CACNA1B: variants seen among roughly 807,000 people sequenced by gnomAD.
The protein encoded by CACNA1B is calcium voltage-gated channel subunit alpha1 B.
In CACNA1B, 70 loss-of-function variants were observed where a neutral mutation model predicts 247.2. That is an observed-to-expected ratio of 0.28 (90% CI 0.23 to 0.35). The LOEUF is 0.35. Among genes scored for constraint, CACNA1B ranks in the 10% least tolerant of loss-of-function variants. The probability of loss-of-function intolerance (pLI) is 1.00; values close to 1 mark genes in which losing one functional copy is unlikely to be tolerated. For missense variants in CACNA1B, 2,367 were observed against 3,197.4 expected (o/e 0.74, Z 6.26); for synonymous variants, 1,231 against 1,294.4 (o/e 0.95, Z 1.05).
chr9:138,039,212 A>T lies in CACNA1B; in HGVS notation c.3287-4562A>T, dbSNP rs536767767. On this transcript the variant is annotated intron_variant, in intron 20 of 46. Transcript: ENST00000371372. ...CTCCGTCTCAAAAAAAATAAAAAAT[A>T]AAAAAAAAAAGAGAAAAATATGTCA... Among the ~76,000 whole-genome samples, 369 of 141,534 alleles carry T rather than the reference A, an allele frequency of 2.6e-3. 1 individual carries two copies. The highest frequency in any genetic ancestry group is 9.1e-3 in the African/African-American group (354 of 39,038). 92.9% of individuals were successfully genotyped at this position (141,534 alleles called of 152,430 possible).
chr9:137,960,172 C>T (rs545021927), intron 10 of CACNA1B, among the ~76,000 whole-genome samples: 12 of 9,756 alleles, frequency 1.2e-3, no homozygotes, highest in South Asian at 8.3e-3. Context: ...ACGTGTGTGG[C>T]GGGGAGGGAA....
In CACNA1B at chr9:138,054,327, G is replaced by A. The variant is rs140951736; in HGVS notation, c.3968+321G>A. ...GCCCACTGGGCAAGGCTTTCTCTAA[G>A]CCCTAGAGATCTTGGCTGGGCTGTA... On this transcript the variant is annotated intron_variant, in intron 26 of 46. Coordinates refer to ENST00000371372, the MANE Select transcript of CACNA1B (RefSeq NM_000718.4). This position sits in a 1 kb window ranked among gnomAD's most constrained non-coding sequence, Gnocchi z 4.6. Among the ~76,000 whole-genome samples, 636 of 152,374 alleles carry A rather than the reference G, an allele frequency of 4.2e-3. 3 individuals carry two copies. The highest frequency in any genetic ancestry group is 0.013 in the African/African-American group (560 of 41,594).
rs1190673492 is a variant in CACNA1B at position 138,073,362 on chromosome 9, AT to A, written c.4675-122del. On this transcript the variant is annotated intron_variant, in intron 32 of 46. Transcript: ENST00000371372. The surrounding 1 kb of genome is among the most constrained non-coding windows in gnomAD (Gnocchi z 6.4). The stretch of plus-strand genomic sequence containing the variant: ...TTAGACTGTGAAGCAGAGACCTTTG[AT>A]TTTAATCTTTTTAACCACTTTTCTT... The A allele has an allele frequency of 4.7e-6, 3 of 640,388 alleles. No homozygotes were observed. Among genetic ancestry groups the A allele is most frequent in the African/African-American group, 1.8e-5 (1 of 54,854 alleles). 39.7% of individuals were successfully genotyped at this position (640,388 alleles called of 1,614,324 possible).
intron 6 of CACNA1B, among the ~76,000 whole-genome samples, chr9:137,933,679 A>G (rs1172939589): frequency 6.6e-6 from 1 of 152,214 alleles, no homozygotes; most frequent in Non-Finnish European, 1.5e-5. Flanking sequence ...ATGGCAGTAT[A>G]TTTAGATGAT....
rs1377267639 is a variant in CACNA1B, at chr9:138,072,928, C to T, written c.4675-560C>T. 2.6e-5 allele frequency among the ~76,000 whole-genome samples: 4 copies of T among 152,252 alleles called. No homozygotes were observed. The highest frequency in any genetic ancestry group is 9.6e-5 in the African/African-American group (4 of 41,470). On this transcript the variant is annotated intron_variant, in intron 32 of 46. Transcript: ENST00000371372. The surrounding 1 kb of genome is among the most constrained non-coding windows in gnomAD (Gnocchi z 4.5). ...CTGTACCTTCCATAACTTGTCTGCA[C>T]ACGCCTGGAGCAGCCTCAGAGGAAG...
rs187880167 is a variant in CACNA1B, at chr9:138,040,018, C to G, written c.3287-3756C>G. Among the ~76,000 whole-genome samples, 238 of 152,248 alleles carry G rather than the reference C, an allele frequency of 1.6e-3. 1 individual carries two copies. Among genetic ancestry groups the G allele is most frequent in the African/African-American group, 5.0e-3 (207 of 41,558 alleles). On this transcript the variant is annotated intron_variant, in intron 20 of 46. Transcript: ENST00000371372. Reference sequence around the variant, plus strand: ...GTAGTGGTGACATCTGGGCTTTTCACGTAGCCATCACCTGGGCTCAGGCCA... The same window carrying G: ...GTAGTGGTGACATCTGGGCTTTTCAGGTAGCCATCACCTGGGCTCAGGCCA...
intron 6 of CACNA1B, among the ~76,000 whole-genome samples, chr9:137,929,443 T>A (rs1298054639): frequency 1.3e-5 from 2 of 151,368 alleles, no homozygotes; most frequent in African/African-American, 4.9e-5. Context: ...TAGTTCCAGC[T>A]ACTCGGGAGA....
intron 15 of CACNA1B, among the ~76,000 whole-genome samples, chr9:137,987,487 C>T (rs561172832): frequency 9.2e-5 from 14 of 152,334 alleles, no homozygotes; most frequent in African/African-American, 3.1e-4. Context: ...GCATTCCTGT[C>T]CCATGAAACA....
intron 34 of CACNA1B, among the ~76,000 whole-genome samples, chr9:138,075,485 C>T (rs990039679): frequency 2.0e-5 from 3 of 152,250 alleles, no homozygotes; most frequent in Non-Finnish European, 4.4e-5. Context: ...ATAATGCCTG[C>T]TTTGGAGTCG....
In CACNA1B at chr9:138,124,361, A is replaced by G. The variant is rs1378544112; in HGVS notation, c.*2362A>G. The G allele has an allele frequency of 1.3e-5, 2 of 152,156 alleles. No individual in the cohort carries two copies. The highest frequency in any genetic ancestry group is 2.4e-5 in the African/African-American group (1 of 41,516). The allele number at this position is 152,156 out of a possible 1,614,324, so 9.4% of individuals were successfully genotyped here. A position where few individuals can be genotyped will look rare whatever the true frequency, so the allele number is the denominator to read the frequency against. On this transcript the variant is annotated 3_prime_UTR_variant, in exon 47 of 47. Transcript: ENST00000371372. ...TTTGATACAATGTATTCATTTGTTA[A>G]TTTTTAATTATATTTGATATAAATC...
intron 10 of CACNA1B, among the ~76,000 whole-genome samples, chr9:137,960,553 G>A (rs1321234169): frequency 6.7e-6 from 1 of 149,904 alleles, no homozygotes; most frequent in Non-Finnish European, 1.5e-5. Context: ...GAGGTCAGGG[G>A]AGAGGTGAGG....
At position 137,959,638 on chromosome 9, in the gene CACNA1B, G is replaced by A. The variant is rs77434614; in HGVS notation, c.1333+1951G>A. ...GTGACTTAGGCTTTGTTAGGAAATC[G>A]CCCCGTTCTCAGGGTGTTGGGATCC... On this transcript the variant is annotated intron_variant, in intron 10 of 46. Transcript: ENST00000371372. Among the ~76,000 whole-genome samples the A allele has an allele frequency of 9.1e-3, 1,377 of 151,830 alleles. 22 individuals carry two copies. The highest frequency in any genetic ancestry group is 0.031 in the African/African-American group (1,293 of 41,388).
chr9:138,017,496 T>C (rs1269107844), intron 18 of CACNA1B, among the ~76,000 whole-genome samples: 8 of 152,244 alleles, frequency 5.3e-5, no homozygotes, highest in African/African-American at 1.9e-4. Flanking sequence ...GTGTGTCTGC[T>C]TCTCCTGAGT....
intron 20 of CACNA1B, among the ~76,000 whole-genome samples, chr9:138,040,838 T>C (rs1319369665): frequency 6.6e-6 from 1 of 152,168 alleles, no homozygotes; most frequent in African/African-American, 2.4e-5. Flanking sequence ...ATCAATACTT[T>C]GTATCCTTCA....
At chr9:138,115,460 C>T in intron 41 of CACNA1B, 92 bp from the exon 42 acceptor site, 2 of 1,383,384 alleles carry the variant, frequency 1.4e-6, no homozygotes, top group Non-Finnish European at 2.0e-6. Flanking sequence ...CATGACCTGG[C>T]TTTTGCCCCA....
intron 3 of CACNA1B, among the ~76,000 whole-genome samples, chr9:137,900,401 T>C (rs1454381446): frequency 6.6e-6 from 1 of 152,100 alleles, no homozygotes; most frequent in Non-Finnish European, 1.5e-5. Context: ...TCTTTACATG[T>C]GTGACTGCTG....
chr9:138,049,007 C>T (rs1332224891), intron 23 of CACNA1B, among the ~76,000 whole-genome samples: 1 of 152,166 alleles, frequency 6.6e-6, no homozygotes, highest in African/African-American at 2.4e-5. Flanking sequence ...CATAAGCCAC[C>T]ATGTCTGGCC....
chr9:138,046,823 G>A (rs1275201096), intron 21 of CACNA1B, 81 bp from the exon 22 acceptor site: 12 of 1,393,432 alleles, frequency 8.6e-6, no homozygotes, highest in Non-Finnish European at 1.2e-5. Flanking sequence ...CCTTTCTGCG[G>A]GACGGGCTGA....
rs1314969737 is a variant in CACNA1B, at chr9:138,053,978, G to C, written c.3940G>C (p.Glu1314Gln). 1.2e-6 allele frequency: 2 copies of C among 1,614,018 alleles called. No individual in the cohort carries two copies. Among genetic ancestry groups the C allele is most frequent in the East Asian group, 2.2e-5 (1 of 44,886 alleles). Residue 1314 changes from glutamate to glutamine, a missense_variant, in exon 26 of 47, where the codon GAA becomes CAA. Coordinates refer to ENST00000371372, the MANE Select transcript of CACNA1B (RefSeq NM_000718.4). Reference sequence around the variant, plus strand: ...AGGGAAGTTTTTCTACTGCACAGATGAATCCAAGGAGCTGGAGAGGGACTG... The same window carrying C: ...AGGGAAGTTTTTCTACTGCACAGATCAATCCAAGGAGCTGGAGAGGGACTG... ...FKGKFFYCTD[E>Q]SKELERDCRG...
Sources: gnomAD v4.1 joint callset for allele counts (sites outside exome capture counted in the v4.1 genomes callset) on GRCh38, gnomAD v4.1.1 for gene constraint, Gnocchi (gnomAD v3.1) non-coding constraint, MANE v1.5 for transcripts, NCBI Gene and HGNC (gene_info 2026-07-23, HGNC 2026-07-21) for gene names.